The following BMERB1 variants were observed in gnomAD, a reference collection of about 807,000 sequenced individuals.
The protein encoded by BMERB1 is bMERB domain-containing protein 1.
In BMERB1, 12 loss-of-function variants were observed where a neutral mutation model predicts 23.6. The observed-to-expected ratio is 0.51, with a 90% CI of 0.33 to 0.82. The LOEUF (loss-of-function observed/expected upper bound fraction) is 0.82. Ranked by LOEUF, BMERB1 falls within the 40% of genes least tolerant of loss-of-function variation. The pLI, the probability that BMERB1 is intolerant of heterozygous loss-of-function variation, is 0.03. For missense variants in BMERB1, 247 were observed against 255.4 expected (o/e 0.97, Z 0.22); for synonymous variants, 122 against 96.6 (o/e 1.26, Z -1.54).
chr16:15,482,552 A>T (rs913756744), intron 1 of BMERB1, among the ~76,000 whole-genome samples: 2 of 152,036 alleles, frequency 1.3e-5, no homozygotes, highest in African/African-American at 4.8e-5. Context: ...TTCCATGCAG[A>T]GCAGCTTGGA....
intron 3 of BMERB1, among the ~76,000 whole-genome samples, chr16:15,578,505 G>A (rs979997981): frequency 1.6e-4 from 24 of 152,182 alleles, no homozygotes; most frequent in African/African-American, 5.1e-4. Flanking sequence ...TTTCCAAATA[G>A]AAGAGATATA....
chr16:15,534,523 C>T (rs779411177), intron 2 of BMERB1, among the ~76,000 whole-genome samples: 1 of 151,994 alleles, frequency 6.6e-6, no homozygotes, highest in Non-Finnish European at 1.5e-5. Flanking sequence ...CACTACACTC[C>T]AGCCTGGGCA....
chr16:15,463,561 T>G (rs1486410832), intron 1 of BMERB1, among the ~76,000 whole-genome samples: 2 of 152,162 alleles, frequency 1.3e-5, no homozygotes, highest in Non-Finnish European at 2.9e-5. Flanking sequence ...GCCTCGTCGT[T>G]TGACTGCTGA....
chr16:15,439,977 G>A (rs2150920315), intron 1 of BMERB1, among the ~76,000 whole-genome samples: 1 of 152,230 alleles, frequency 6.6e-6, no homozygotes, highest in Non-Finnish European at 1.5e-5. Flanking sequence ...GGGTGTGGTG[G>A]CTCATGCCTG....
intron 1 of BMERB1, among the ~76,000 whole-genome samples, chr16:15,443,864 A>G (rs1598441214): frequency 6.6e-6 from 1 of 151,992 alleles, no homozygotes; most frequent in African/African-American, 2.4e-5. Flanking sequence ...GGTTGCAGAG[A>G]TTGCACCACT....
At chr16:15,490,417 G>GGA (rs1487398494) in intron 1 of BMERB1, among the ~76,000 whole-genome samples, 7 of 152,230 alleles carry the variant, frequency 4.6e-5, no homozygotes, top group Admixed American at 3.3e-4. Flanking sequence ...TGAGTAGCTG[G>GGA]GACCACTGGC....
intron 1 of BMERB1, among the ~76,000 whole-genome samples, chr16:15,473,602 A>G (rs2051250011): frequency 6.6e-6 from 1 of 151,886 alleles, no homozygotes; most frequent in Non-Finnish European, 1.5e-5. Flanking sequence ...CCCTTTAGCC[A>G]TTCTTTAAGG....
rs1313855399 is a variant in BMERB1, at chr16:15,544,586, C to T, written c.231-23397C>T. ...GCTGCCCCTGGCAGCCGGGAGCTGG[C>T]TTGACACTCACAGCTTGGCCAAAGT... is the stretch of plus-strand genomic sequence containing the variant. On this transcript the variant is annotated intron_variant, in intron 2 of 5. Transcript: ENST00000300006. Among the ~76,000 whole-genome samples the T allele has an allele frequency of 3.3e-5, 5 of 152,352 alleles. No individual in the cohort carries two copies. In the East Asian group the frequency reaches 9.6e-4, roughly 29 times the overall value.
intron 2 of BMERB1, among the ~76,000 whole-genome samples, chr16:15,561,256 ATTTTTTT>A (rs35139646): frequency 4.5e-4 from 19 of 42,240 alleles, no homozygotes; most frequent in African/African-American, 1.5e-3. Flanking sequence ...CACGCCGGCC[ATTTTTTT>A]TTTTTTTTTT....
intron 1 of BMERB1, among the ~76,000 whole-genome samples, chr16:15,503,447 ATT>A (rs35592502): frequency 0.4 from 53,327 of 133,350 alleles, 11,142 homozygotes; most frequent in East Asian, 0.55. Context: ...ACGCCCGGCT[ATT>A]TTTTTTTTTT....
intron 2 of BMERB1, among the ~76,000 whole-genome samples, chr16:15,560,937 CT>C (rs1291502571): frequency 6.7e-6 from 1 of 148,502 alleles, no homozygotes; most frequent in African/African-American, 2.5e-5. Flanking sequence ...TTTCTCTTTC[CT>C]TTTTTCTCTG....
chr16:15,466,596 G>T (rs2051182606), intron 1 of BMERB1, among the ~76,000 whole-genome samples: 1 of 151,998 alleles, frequency 6.6e-6, no homozygotes. Flanking sequence ...ATCTATGTAT[G>T]CCTTTCACCC....
At chr16:15,516,017 C>T (rs988547882) in intron 2 of BMERB1, among the ~76,000 whole-genome samples, 1 of 152,134 alleles carries the variant, frequency 6.6e-6, no homozygotes, top group African/African-American at 2.4e-5. Context: ...CCCAGCTACT[C>T]AGGAGGCTGA....
chr16:15,502,391 G>C (rs2051539756), intron 1 of BMERB1: 1 of 1,544,402 alleles, frequency 6.5e-7, no homozygotes, highest in Admixed American at 2.0e-5. Flanking sequence ...GATCGCTCTT[G>C]GGGGCCCAGT....
chr16:15,547,259 G>A (rs72770186), intron 2 of BMERB1, among the ~76,000 whole-genome samples: 5,929 of 150,254 alleles, frequency 0.039, 139 homozygotes, highest in Non-Finnish European at 0.051. Context: ...TGATTCACCC[G>A]CCTCTGCCTT....
At chr16:15,485,171 TG>T (rs2051357345) in intron 1 of BMERB1, among the ~76,000 whole-genome samples, 1 of 152,014 alleles carries the variant, frequency 6.6e-6, no homozygotes, top group South Asian at 2.1e-4. Flanking sequence ...ATTACCATGG[TG>T]GGGGAGAGGG....
chr16:15,445,472 A>G (rs1471506370), intron 1 of BMERB1, among the ~76,000 whole-genome samples: 2 of 152,190 alleles, frequency 1.3e-5, no homozygotes, highest in African/African-American at 2.4e-5. Flanking sequence ...GGCTTAGCCA[A>G]CCCTGGGGCT....
At chr16:15,469,227 A>C (rs969027378) in intron 1 of BMERB1, among the ~76,000 whole-genome samples, 15 of 151,980 alleles carry the variant, frequency 9.9e-5, no homozygotes, top group Non-Finnish European at 2.2e-4. Context: ...CAGCATCCCA[A>C]AGTGCTGGGA....
Position 15,587,424 on chromosome 16 carries a change from C to T in BMERB1, c.*595C>T, listed in dbSNP as rs750000195. ...TCGAGCTTGTGTGTGGTGTCGTGGTCACATCTCCCGCTTCCCCCCATCCTG... is the reference window on the plus strand; with the variant it reads ...TCGAGCTTGTGTGTGGTGTCGTGGTTACATCTCCCGCTTCCCCCCATCCTG... On this transcript the variant is annotated 3_prime_UTR_variant, in exon 6 of 6. Transcript: ENST00000300006. 1.6e-5 allele frequency: 5 copies of T among 307,224 alleles called. No individual in the cohort carries two copies. Among genetic ancestry groups the T allele is most frequent in the South Asian group, 1.2e-4 (5 of 41,220 alleles). 19.0% of individuals were successfully genotyped at this position (307,224 alleles called of 1,614,324 possible).
Sources: gnomAD v4.1 joint callset for allele counts (sites outside exome capture counted in the v4.1 genomes callset) on GRCh38, gnomAD v4.1.1 for gene constraint, MANE v1.5 for transcripts, NCBI Gene and HGNC (gene_info 2026-07-23, HGNC 2026-07-21) for gene names.